LUZP2: variants seen among roughly 807,000 people sequenced by gnomAD.
The protein encoded by LUZP2 is leucine zipper protein 2.
LUZP2 carries 52 observed loss-of-function variants against 51.6 expected under a neutral mutation model. The ratio of observed to expected loss-of-function variants is 1.01; its 90% CI spans 0.81 to 1.27. The LOEUF (loss-of-function observed/expected upper bound fraction) is 1.27. Among genes scored for constraint, LUZP2 ranks in the 50% most tolerant of loss-of-function variants. The probability of loss-of-function intolerance (pLI) is 0.00; values close to 1 mark genes in which losing one functional copy is unlikely to be tolerated. For missense variants in LUZP2, 436 were observed against 395.4 expected, an observed-to-expected ratio of 1.10 and a Z score of -0.87; for synonymous variants, 154 against 137.3, an observed-to-expected ratio of 1.12 and a Z score of -0.85.
At chr11:24,832,036 GAATT>G (rs1850719030) in intron 5 of LUZP2, 1 of 152,382 alleles carries the variant, frequency 6.6e-6, no homozygotes, top group Non-Finnish European at 1.5e-5. Flanking sequence ...AATATGTGTG[GAATT>G]AATTAATAAA....
intron 7 of LUZP2, among the ~76,000 whole-genome samples, chr11:24,947,692 TC>T (rs1279706408): frequency 1.3e-5 from 2 of 151,876 alleles, no homozygotes; most frequent in Admixed American, 6.6e-5. Context: ...TAATACCTTT[TC>T]TTTGGCCTTG....
At chr11:25,046,843 G>A (rs2134016727) in intron 9 of LUZP2, among the ~76,000 whole-genome samples, 1 of 152,234 alleles carries the variant, frequency 6.6e-6, no homozygotes, top group Admixed American at 6.5e-5. Context: ...ATCATTTCAT[G>A]TTATATGTAA....
intron 1 of LUZP2, among the ~76,000 whole-genome samples, chr11:24,643,254 C>CAAA (rs570616833): frequency 0.021 from 1,567 of 75,622 alleles, 62 homozygotes; most frequent in African/African-American, 0.057. Flanking sequence ...ACTAAAAGTA[C>CAAA]AAAAAAAAAA....
chr11:24,705,279 T>G (rs12099324), intron 1 of LUZP2, among the ~76,000 whole-genome samples: 18,500 of 152,158 alleles, frequency 0.12, 1,157 homozygotes, highest in South Asian at 0.16. Flanking sequence ...AAGAGAAAAA[T>G]AGAAGGAGAA....
chr11:24,751,050 A>G (rs1176838478), intron 4 of LUZP2, among the ~76,000 whole-genome samples: 1 of 152,196 alleles, frequency 6.6e-6, no homozygotes, highest in African/African-American at 2.4e-5. Context: ...TAAGAACTAG[A>G]AAATATGGAA....
chr11:25,045,114 G>T (rs917795743), intron 9 of LUZP2, among the ~76,000 whole-genome samples: 26 of 149,694 alleles, frequency 1.7e-4, no homozygotes, highest in Admixed American at 1.6e-3. Context: ...GCTAAATGAC[G>T]AGTTAATGGG....
At chr11:24,836,300 ATAT>A (rs149387439) in intron 5 of LUZP2, among the ~76,000 whole-genome samples, 4,589 of 152,056 alleles carry the variant, frequency 0.03, 217 homozygotes, top group African/African-American at 0.1. Flanking sequence ...ACTGTTTTTA[ATAT>A]TATAAATAAT....
chr11:24,749,086 A>G (rs1859483873), intron 4 of LUZP2, among the ~76,000 whole-genome samples: 1 of 152,156 alleles, frequency 6.6e-6, no homozygotes, highest in Non-Finnish European at 1.5e-5. Flanking sequence ...ACATAGCCAT[A>G]CCCCCTTCTA....
chr11:24,529,083 A>G lies in LUZP2; in HGVS notation c.62+31778A>G, dbSNP rs1850912432. ...AGGCACTTGCTGTCCTTTAATAATA[A>G]CATAGTCATCCTCCACATCATAGAA... On this transcript the variant is annotated intron_variant, in intron 1 of 11. Transcript: ENST00000336930. 2.6e-5 allele frequency among the ~76,000 whole-genome samples: 4 copies of G among 151,024 alleles called. No homozygotes were observed. In the South Asian group the frequency reaches 8.3e-4, roughly 31 times the overall value.
rs941356020 is a variant in LUZP2, at chr11:25,078,906, T to A, written c.*248T>A. ...CAACAGTAAATTGTCCCATATAAAT[T>A]GGTCTGGTTTAACTCAAATGCTATC... On this transcript the variant is annotated 3_prime_UTR_variant, in exon 12 of 12. Transcript: ENST00000336930. 7.9e-6 allele frequency: 3 copies of A among 378,806 alleles called. No homozygotes were observed. Among genetic ancestry groups the A allele is most frequent in the African/African-American group, 6.4e-5 (3 of 46,826 alleles). 23.5% of individuals were successfully genotyped at this position (378,806 alleles called of 1,614,324 possible). A position where few individuals can be genotyped will look rare whatever the true frequency, so the allele number is the denominator to read the frequency against.
intron 7 of LUZP2, among the ~76,000 whole-genome samples, chr11:24,928,864 T>C (rs1473362507): frequency 6.6e-6 from 1 of 152,118 alleles, no homozygotes; most frequent in Non-Finnish European, 1.5e-5. Flanking sequence ...TCCTGGATTT[T>C]GTTGTGTTGT....
intron 1 of LUZP2, among the ~76,000 whole-genome samples, chr11:24,643,787 T>A (rs1198138832): frequency 6.6e-6 from 1 of 152,156 alleles, no homozygotes; most frequent in East Asian, 1.9e-4. Context: ...TATGAAATAG[T>A]TTGTACACTA....
At chr11:24,681,126 C>G (rs1331231150) in intron 1 of LUZP2, among the ~76,000 whole-genome samples, 1 of 151,984 alleles carries the variant, frequency 6.6e-6, no homozygotes, top group Admixed American at 6.5e-5. Context: ...GGACTACAGG[C>G]GCCCGCCACC....
At chr11:24,801,512 T>G (rs1222292768) in intron 5 of LUZP2, among the ~76,000 whole-genome samples, 1 of 151,990 alleles carries the variant, frequency 6.6e-6, no homozygotes, top group Non-Finnish European at 1.5e-5. Context: ...TTTATTGTGA[T>G]TATTATTTTA....
chr11:25,049,462 T>A (rs556165664), intron 9 of LUZP2, among the ~76,000 whole-genome samples: 1 of 152,066 alleles, frequency 6.6e-6, no homozygotes, highest in African/African-American at 2.4e-5. Context: ...TCTTTTCTTT[T>A]CTTTATTCTC....
chr11:24,860,718 T>G (rs1300998033), intron 5 of LUZP2, among the ~76,000 whole-genome samples: 1 of 152,044 alleles, frequency 6.6e-6, no homozygotes, highest in African/African-American at 2.4e-5. Context: ...AGGACCTGAC[T>G]ATTGAAAGAA....
chr11:24,900,222 T>C (rs1853231765), intron 5 of LUZP2, among the ~76,000 whole-genome samples: 2 of 152,318 alleles, frequency 1.3e-5, no homozygotes, highest in African/African-American at 4.8e-5. Context: ...TTGAGTTTTG[T>C]TTTTAAGCTT....
At chr11:24,530,518 A>C (rs1850958902) in intron 1 of LUZP2, among the ~76,000 whole-genome samples, 1 of 150,848 alleles carries the variant, frequency 6.6e-6, no homozygotes, top group African/African-American at 2.4e-5. Flanking sequence ...CTGTGTAGCT[A>C]CTGTCACCAT....
intron 9 of LUZP2, among the ~76,000 whole-genome samples, chr11:24,988,170 C>T (rs1395079446): frequency 1.3e-5 from 2 of 152,006 alleles, no homozygotes; most frequent in Non-Finnish European, 2.9e-5. Flanking sequence ...GTCCATCAAT[C>T]ACTAACCATT....
Sources: gnomAD v4.1 joint callset for allele counts (sites outside exome capture counted in the v4.1 genomes callset) on GRCh38, gnomAD v4.1.1 for gene constraint, MANE v1.5 for transcripts, NCBI Gene and HGNC (gene_info 2026-07-23, HGNC 2026-07-21) for gene names.